The following DOCK2 variants were observed in gnomAD, a reference collection of about 807,000 sequenced individuals.
DOCK2 encodes the protein dedicator of cytokinesis protein 2.
In DOCK2, 87 loss-of-function variants were observed where a neutral mutation model predicts 248.9. The ratio of observed to expected loss-of-function variants is 0.35; its 90% CI spans 0.29 to 0.42. The LOEUF (loss-of-function observed/expected upper bound fraction) is 0.42, where lower values mean the gene tolerates loss of function less well. Ranked by LOEUF, DOCK2 falls within the 10% of genes least tolerant of loss-of-function variation. DOCK2 has a pLI of 1.00. For synonymous variants in DOCK2, 805 were observed against 821.6 expected, an observed-to-expected ratio of 0.98 and a Z score of 0.35; for missense variants, 1,747 against 2,300.2, an observed-to-expected ratio of 0.76 and a Z score of 4.92.
chr5:169,756,478 G>A (rs1764200511), intron 23 of DOCK2, among the ~76,000 whole-genome samples: 1 of 152,160 alleles, frequency 6.6e-6, no homozygotes, highest in Non-Finnish European at 1.5e-5. Context: ...GTAATGAGAT[G>A]GGAAGAAACT....
At chr5:169,823,083 G>C (rs11959249) in intron 26 of DOCK2, among the ~76,000 whole-genome samples, 47,576 of 151,974 alleles carry the variant, frequency 0.31, 10,040 homozygotes, top group African/African-American at 0.61. Context: ...GAAGTTGAAT[G>C]TCTGAATAGA....
intron 26 of DOCK2, among the ~76,000 whole-genome samples, chr5:169,819,670 C>G (rs1471672128): frequency 1.3e-5 from 2 of 152,172 alleles, no homozygotes; most frequent in Non-Finnish European, 2.9e-5. Context: ...AGGAACAGCT[C>G]CAGTCTACAT....
chr5:169,653,645 C>G (rs1757931719), intron 1 of DOCK2, among the ~76,000 whole-genome samples: 1 of 152,328 alleles, frequency 6.6e-6, no homozygotes, highest in South Asian at 2.1e-4. Flanking sequence ...GCCCTGCCTG[C>G]AGGAAGCCTC....
At chr5:169,994,327 T>C (rs1778281589) in intron 29 of DOCK2, among the ~76,000 whole-genome samples, 1 of 152,158 alleles carries the variant, frequency 6.6e-6, no homozygotes, top group Admixed American at 6.5e-5. Flanking sequence ...AGAGAGATGT[T>C]ACTGAGTCAT....
At chr5:169,696,066 C>T in intron 10 of DOCK2, 128 bp downstream of exon 10, 2 of 1,237,618 alleles carry the variant, frequency 1.6e-6, no homozygotes, top group Non-Finnish European at 2.1e-6. Flanking sequence ...TGCCAGACAG[C>T]CCTTAATAAC....
intron 27 of DOCK2, among the ~76,000 whole-genome samples, chr5:169,911,811 G>A (rs149348070): frequency 8.7e-4 from 133 of 152,274 alleles, no homozygotes; most frequent in African/African-American, 3.1e-3. Flanking sequence ...CAAGTTCCAC[G>A]GAAAGCCTAG....
At chr5:169,932,127 T>A (rs1581436474) in intron 27 of DOCK2, among the ~76,000 whole-genome samples, 1 of 152,152 alleles carries the variant, frequency 6.6e-6, no homozygotes, top group East Asian at 1.9e-4. Context: ...TGAGATAAAG[T>A]GGCGTAAGAG....
chr5:169,810,580 C>T (rs940385269), intron 26 of DOCK2, among the ~76,000 whole-genome samples: 1 of 152,098 alleles, frequency 6.6e-6, no homozygotes, highest in Admixed American at 6.5e-5. Context: ...CATCAGGTTA[C>T]TTCAGGTTAC....
In DOCK2 at chr5:169,843,650, C is replaced by T. The variant is rs58992768; in HGVS notation, c.2799+2798C>T. ...AAATTTATAGTTATGCAACCATCAC[C>T]GTAATTCAGTTTAGAGTATTTCTTT... On this transcript the variant is annotated intron_variant, in intron 27 of 51. Coordinates refer to ENST00000520908, the MANE Select transcript of DOCK2 (RefSeq NM_004946.3). 3.4e-3 allele frequency among the ~76,000 whole-genome samples: 522 copies of T among 152,262 alleles called. 6 individuals carry two copies. The highest frequency in any genetic ancestry group is 0.012 in the African/African-American group (503 of 41,548).
Position 169,685,493 on chromosome 5 carries a change from G to A in DOCK2, c.761+1143G>A, listed in dbSNP as rs191303314. On this transcript the variant is annotated intron_variant, in intron 8 of 51. Transcript: ENST00000520908. ...TCTCATATTTGAGACCACTGACCGT[G>A]ACTGCAGGCATGCGCCACCACGCCC... Among the ~76,000 whole-genome samples, 240 of 152,312 alleles carry A rather than the reference G, an allele frequency of 1.6e-3. 1 individual carries two copies. Among genetic ancestry groups the A allele is most frequent in the African/African-American group, 4.7e-3 (196 of 41,566 alleles).
intron 27 of DOCK2, among the ~76,000 whole-genome samples, chr5:169,926,038 GTC>G (rs1775433405): frequency 6.6e-6 from 1 of 152,162 alleles, no homozygotes; most frequent in Non-Finnish European, 1.5e-5. Flanking sequence ...GCTCTGGTTA[GTC>G]TCTGAGTCCA....
intron 22 of DOCK2, among the ~76,000 whole-genome samples, chr5:169,728,278 G>A (rs1043858213): frequency 5.9e-5 from 9 of 152,130 alleles, no homozygotes; most frequent in Admixed American, 2.6e-4. Context: ...ATGTATAGCA[G>A]GCAGTTAGAT....
At chr5:169,880,333 C>T (rs998495406) in intron 27 of DOCK2, among the ~76,000 whole-genome samples, 10 of 152,224 alleles carry the variant, frequency 6.6e-5, no homozygotes, top group African/African-American at 2.2e-4. Context: ...GGCATATGGT[C>T]TCTTACTCAT....
At chr5:169,999,822 A>G (rs1754772110) in intron 30 of DOCK2, among the ~76,000 whole-genome samples, 1 of 152,186 alleles carries the variant, frequency 6.6e-6, no homozygotes, top group Non-Finnish European at 1.5e-5. Context: ...AACAGCATCC[A>G]TCACTGACTG....
chr5:169,793,590 C>T (rs1018886400), intron 25 of DOCK2, among the ~76,000 whole-genome samples: 1 of 152,104 alleles, frequency 6.6e-6, no homozygotes, highest in Non-Finnish European at 1.5e-5. Context: ...CCTTCTTTAC[C>T]TCTACAGAAA....
At chr5:170,008,195 A>AAC (rs1561877748) in intron 30 of DOCK2, among the ~76,000 whole-genome samples, 10 of 134,518 alleles carry the variant, frequency 7.4e-5, no homozygotes, top group Non-Finnish European at 1.1e-4. Context: ...ACAAGGACAA[A>AAC]AACAACAACA....
intron 27 of DOCK2, among the ~76,000 whole-genome samples, chr5:169,971,413 C>G (rs1385104138): frequency 4.2e-5 from 6 of 144,478 alleles, no homozygotes; most frequent in Non-Finnish European, 7.5e-5. Flanking sequence ...CCTTCTGCCC[C>G]TTTCCTCCTA....
chr5:169,786,284 C>T (rs1399064142), intron 25 of DOCK2, among the ~76,000 whole-genome samples: 3 of 152,178 alleles, frequency 2.0e-5, no homozygotes, highest in African/African-American at 7.2e-5. Context: ...AAAGTGGGCA[C>T]ACTTCAGTTA....
intron 27 of DOCK2, among the ~76,000 whole-genome samples, chr5:169,908,041 G>C (rs1774390692): frequency 6.6e-6 from 1 of 152,176 alleles, no homozygotes. Context: ...AAGCTGTGAT[G>C]GAACAATTTA....
Sources: gnomAD v4.1 joint callset for allele counts (sites outside exome capture counted in the v4.1 genomes callset) on GRCh38, gnomAD v4.1.1 for gene constraint, MANE v1.5 for transcripts, NCBI Gene and HGNC (gene_info 2026-07-23, HGNC 2026-07-21) for gene names.